The following SERPINA9 variants were observed in gnomAD, a reference collection of about 807,000 sequenced individuals.
SERPINA9 encodes the protein serpin family A member 9, also known as serpin A9.
SERPINA9 carries 32 observed loss-of-function variants against 24.5 expected under a neutral mutation model. The ratio of observed to expected loss-of-function variants is 1.30; its 90% CI spans 0.98 to 1.75. The LOEUF is 1.75. SERPINA9 is among the 40% of genes most tolerant of loss of function. SERPINA9 has a pLI of 0.00. For synonymous variants in SERPINA9, 233 were observed against 197.7 expected (o/e 1.18, Z -1.50); for missense variants, 594 against 497.1 (o/e 1.19, Z -1.85).
chr14:94,469,921 C>T, intron 1 of SERPINA9, 64 bp from the exon 2 acceptor site: 1 of 1,314,042 alleles, frequency 7.6e-7, no homozygotes, highest in Non-Finnish European at 1.0e-6. Context: ...ATCAGAGACC[C>T]TTTAACACCC....
At chr14:94,471,849 T>G (rs1899336323) in intron 1 of SERPINA9, among the ~76,000 whole-genome samples, 1 of 152,078 alleles carries the variant, frequency 6.6e-6, no homozygotes. Context: ...TCGTTCTTCC[T>G]CCCCGAGACA....
Position 94,463,058 on chromosome 14 carries a change from A to G in SERPINA9, c.*35T>C, listed in dbSNP as rs749692565. 6.6e-7 allele frequency: 1 copy of G among 1,512,192 alleles called. No individual in the cohort carries two copies. The highest frequency in any genetic ancestry group is 9.2e-7 in the Non-Finnish European group (1 of 1,086,832). 93.7% of individuals were successfully genotyped at this position (1,512,192 alleles called of 1,614,324 possible). A position where few individuals can be genotyped will look rare whatever the true frequency, so the allele number is the denominator to read the frequency against. ...TGTGGTTTGTTATTTCTTGTGCATT[A>G]GCAATGTGCCATCAGTTAACAGGCC... On this transcript the variant is annotated 3_prime_UTR_variant, in exon 5 of 5. Transcript: ENST00000674397.
At position 94,462,873 on chromosome 14, in the gene SERPINA9, G is replaced by T; in HGVS notation, c.*220C>A. On this transcript the variant is annotated 3_prime_UTR_variant, in exon 5 of 5. Transcript: ENST00000674397. Reference sequence around the variant, plus strand: ...CAACATCCCATGAAGCTAGTTACCTGGGAGAATTTGTGGAAAAGGGCACTG... The same window carrying T: ...CAACATCCCATGAAGCTAGTTACCTTGGAGAATTTGTGGAAAAGGGCACTG... 1.9e-6 allele frequency: 1 copy of T among 540,514 alleles called. No homozygotes were observed. The highest frequency in any genetic ancestry group is 3.2e-5 in the Admixed American group (1 of 31,206). 33.5% of individuals were successfully genotyped at this position (540,514 alleles called of 1,614,324 possible).
intron 1 of SERPINA9, among the ~76,000 whole-genome samples, chr14:94,475,147 C>T (rs1241093907): frequency 6.6e-6 from 1 of 152,242 alleles, no homozygotes; most frequent in African/African-American, 2.4e-5. Flanking sequence ...CATGTCCCAG[C>T]CCTGTGGCAA....
Position 94,476,190 on chromosome 14 carries a change from A to T in SERPINA9, c.-72T>A. 6.2e-7 allele frequency: 1 copy of T among 1,613,900 alleles called. No individual in the cohort carries two copies. Among genetic ancestry groups the T allele is most frequent in the Non-Finnish European group, 8.5e-7 (1 of 1,179,966 alleles). On this transcript the variant is annotated 5_prime_UTR_variant, in exon 1 of 5. Coordinates refer to ENST00000674397, the MANE Select transcript of SERPINA9 (RefSeq NM_175739.4). ...CCTTGCATGGTTGGTGAGCCCTGACACTTGCTTACTTGGTTGTAGCTCTCT... is the reference window on the plus strand; with the variant it reads ...CCTTGCATGGTTGGTGAGCCCTGACTCTTGCTTACTTGGTTGTAGCTCTCT...
chr14:94,470,002 T>C, intron 1 of SERPINA9, 145 bp from the exon 2 acceptor site: 1 of 693,440 alleles, frequency 1.4e-6, no homozygotes, highest in South Asian at 4.4e-5. Context: ...TCTCTGAGCC[T>C]CACAATATTC....
chr14:94,466,908 G>A (rs1282373463), intron 3 of SERPINA9, among the ~76,000 whole-genome samples: 3 of 152,200 alleles, frequency 2.0e-5, no homozygotes, highest in Non-Finnish European at 4.4e-5. Flanking sequence ...TGTGTAATGA[G>A]TGGTACTAAG....
rs1899200585 is a variant in SERPINA9, at chr14:94,469,588, C to T, written c.253G>A (p.Gly85Arg). The T allele has an allele frequency of 3.1e-6, 5 of 1,613,928 alleles. No individual in the cohort carries two copies. The highest frequency in any genetic ancestry group is 1.7e-5 in the Admixed American group (1 of 60,004). ...TGGGTCTTGGTGACTGAGTGGGCCC[C>T]AAGGGAGAGCATGGCCAGGGAAGTG... ...VSTSLAMLSL[G>R]AHSVTKTQIL... The change falls in exon 2 of 5, where the codon GGG (glycine) becomes AGG (arginine). Residue 85 changes from glycine to arginine, a missense_variant. Physicochemically the swap from Gly to Arg is moderately radical, Grantham distance 125 (BLOSUM62 -2). Transcript: ENST00000674397.
intron 1 of SERPINA9, among the ~76,000 whole-genome samples, chr14:94,475,429 C>CACACAT (rs1175787129): frequency 5.7e-5 from 4 of 70,446 alleles, no homozygotes; most frequent in African/African-American, 2.2e-4. Flanking sequence ...TGCACACACA[C>CACACAT]ACACACATAC....
intron 1 of SERPINA9, chr14:94,470,109 G>T: frequency 6.1e-6 from 6 of 984,790 alleles, no homozygotes; most frequent in Non-Finnish European, 7.8e-6. Context: ...TGGTTGACTT[G>T]TCTGTGTTCT....
rs1468348977 is a variant in SERPINA9, at chr14:94,469,964, G to A, written c.-17-107C>T. 9 of 915,206 alleles carry A rather than the reference G, an allele frequency of 9.8e-6. No homozygotes were observed. The East Asian group carries it at 1.3e-4, about 13-fold the overall frequency. 56.7% of individuals were successfully genotyped at this position (915,206 alleles called of 1,614,324 possible). ...ATCAGCAGCAGAATGAGGACAGATA[G>A]GCCAGTTAGCAGAGCTCTCTCACAT... On this transcript the variant is annotated intron_variant, in intron 1 of 4. Transcript: ENST00000674397.
intron 4 of SERPINA9, 74 bp from the exon 5 acceptor site, chr14:94,463,370 G>A (rs1398277736): frequency 5.8e-6 from 8 of 1,386,946 alleles, no homozygotes; most frequent in African/African-American, 4.3e-5. Flanking sequence ...TAAACTGAGT[G>A]CTTTTGCCCT....
chr14:94,472,838 G>C (rs368393605), intron 1 of SERPINA9, among the ~76,000 whole-genome samples: 1 of 152,194 alleles, frequency 6.6e-6, no homozygotes, highest in African/African-American at 2.4e-5. Context: ...GATTCAGGCT[G>C]GGAGGACCAC....
intron 4 of SERPINA9, among the ~76,000 whole-genome samples, chr14:94,463,545 C>A (rs1898844075): frequency 6.6e-6 from 1 of 152,152 alleles, no homozygotes; most frequent in Admixed American, 6.5e-5. Context: ...TCAGTTCTGC[C>A]ACTTATGGTT....
intron 1 of SERPINA9, among the ~76,000 whole-genome samples, chr14:94,471,863 C>T (rs1311369904): frequency 6.6e-6 from 1 of 152,168 alleles, no homozygotes; most frequent in Non-Finnish European, 1.5e-5. Flanking sequence ...CGAGACATCG[C>T]AAGCCCCAGC....
intron 2 of SERPINA9, among the ~76,000 whole-genome samples, chr14:94,467,618 T>G (rs1899071965): frequency 6.6e-6 from 1 of 152,250 alleles, no homozygotes; most frequent in African/African-American, 2.4e-5. Context: ...ATAGAATTAG[T>G]TAAATAGAAC....
chr14:94,471,263 A>G (rs1426671536), intron 1 of SERPINA9, among the ~76,000 whole-genome samples: 1 of 152,210 alleles, frequency 6.6e-6, no homozygotes, highest in Non-Finnish European at 1.5e-5. Context: ...TGTGAAGGAA[A>G]GACTTTACCC....
In SERPINA9 at chr14:94,469,507, G is replaced by T. The variant is rs758331597; in HGVS notation, c.334C>A (p.Gln112Lys). The T allele has an allele frequency of 6.2e-7, 1 of 1,614,212 alleles. No individual in the cohort carries two copies. Among genetic ancestry groups the T allele is most frequent in the Non-Finnish European group, 8.5e-7 (1 of 1,180,040 alleles). ...GAGTGAACCAGGTGCTGGAAGCCCT[G>T]GTGGATGGCAGACTCTGGTGTGTGT... Reference protein sequence around the residue: ...LTHTPESAIHQGFQHLVHSLT... With the variant: ...LTHTPESAIHKGFQHLVHSLT... The change falls in exon 2 of 5, where the codon CAG (glutamine) becomes AAG (lysine). Residue 112 changes from glutamine to lysine, a missense_variant. Gln to Lys is a moderately conservative substitution (Grantham distance 53). Transcript: ENST00000674397.
In SERPINA9 at chr14:94,469,681, G is replaced by A. The variant is rs201522333; in HGVS notation, c.160C>T (p.Arg54Cys). The A allele has an allele frequency of 2.7e-5, 43 of 1,613,492 alleles. No homozygotes were observed. The highest frequency in any genetic ancestry group is 2.0e-4 in the East Asian group (9 of 44,874). Reference protein sequence around the residue: ...VYSLNTDFAFRLYRRLVLETP... With the variant: ...VYSLNTDFAFCLYRRLVLETP... ...TCCAAAACCAGCCTGCGGTATAGGC[G>A]GAAGGCAAAGTCGGTGTTGAGGGAA... The change falls in exon 2 of 5, where the codon CGC (arginine) becomes TGC (cysteine). Residue 54 changes from arginine to cysteine, a missense_variant. Physicochemically the swap from Arg to Cys is radical, Grantham distance 180. Transcript: ENST00000674397.
Sources: allele counts gnomAD v4.1 joint callset (sites outside exome capture counted in the v4.1 genomes callset), GRCh38; gene constraint gnomAD v4.1.1; transcripts MANE v1.5; gene names NCBI Gene and HGNC (gene_info 2026-07-23, HGNC 2026-07-21).